TRAPPC9: variants seen among roughly 807,000 people sequenced by gnomAD.
The protein encoded by TRAPPC9 is trafficking protein particle complex subunit 9.
TRAPPC9 carries 83 observed loss-of-function variants against 124.0 expected under a neutral mutation model. The observed-to-expected ratio is 0.67, with a 90% CI of 0.56 to 0.80. The LOEUF (loss-of-function observed/expected upper bound fraction) is 0.80, where lower values mean the gene tolerates loss of function less well. Among genes scored for constraint, TRAPPC9 ranks in the 30% least tolerant of loss-of-function variants. TRAPPC9 has a pLI of 0.00. For synonymous variants in TRAPPC9, 638 were observed against 617.5 expected, an observed-to-expected ratio of 1.03 and a Z score of -0.49; for missense variants, 1,302 against 1,508.3, an observed-to-expected ratio of 0.86 and a Z score of 2.27.
chr8:140,371,797 G>A lies in TRAPPC9; in HGVS notation c.1135-617C>T, dbSNP rs575704086. ...TGGCTCACTGCAACCTCCACCTCCC[G>A]GGTTCAAGAGATTCTCCTGCCTCAT... On this transcript the variant is annotated intron_variant, in intron 7 of 22. Coordinates refer to ENST00000438773, the MANE Select transcript of TRAPPC9 (RefSeq NM_001160372.4). Among the ~76,000 whole-genome samples, 21 of 152,000 alleles carry A rather than the reference G, an allele frequency of 1.4e-4. No individual in the cohort carries two copies. In the South Asian group the frequency reaches 2.7e-3, roughly 20 times the overall value.
At chr8:140,039,947 TGC>T (rs1383433882) in intron 17 of TRAPPC9, 2 of 152,264 alleles carry the variant, frequency 1.3e-5, no homozygotes, top group Non-Finnish European at 1.5e-5. Flanking sequence ...TGACCAGGGC[TGC>T]ACACAGGAGG....
intron 4 of TRAPPC9, among the ~76,000 whole-genome samples, chr8:140,429,385 G>A (rs1422648359): frequency 6.6e-6 from 1 of 152,102 alleles, no homozygotes; most frequent in Non-Finnish European, 1.5e-5. Flanking sequence ...ACTGCACCTG[G>A]CCAACTGCCA....
chr8:139,836,026 T>G (rs572971691), intron 21 of TRAPPC9, among the ~76,000 whole-genome samples: 2 of 151,540 alleles, frequency 1.3e-5, no homozygotes, highest in African/African-American at 2.4e-5. Context: ...TTATTTTTTT[T>G]GAGACAGAGT....
At chr8:140,408,033 T>C (rs763428003) in intron 5 of TRAPPC9, among the ~76,000 whole-genome samples, 1 of 152,206 alleles carries the variant, frequency 6.6e-6, no homozygotes, top group Admixed American at 6.5e-5. Context: ...GAGAGCTTAG[T>C]GGGTCAGACC....
At chr8:140,305,975 G>A (rs1403044069) in intron 10 of TRAPPC9, among the ~76,000 whole-genome samples, 3 of 152,222 alleles carry the variant, frequency 2.0e-5, no homozygotes, top group Non-Finnish European at 4.4e-5. Context: ...AATTTTACAT[G>A]AAGGGGGTTT....
chr8:139,952,901 A>C (rs73369857), intron 19 of TRAPPC9, among the ~76,000 whole-genome samples: 2,631 of 152,346 alleles, frequency 0.017, 78 homozygotes, highest in African/African-American at 0.058. Flanking sequence ...ACAGATGTGG[A>C]AACTGAAGGT....
chr8:139,919,061 G>A (rs1422522283), intron 19 of TRAPPC9, among the ~76,000 whole-genome samples: 4 of 152,180 alleles, frequency 2.6e-5, no homozygotes, highest in Admixed American at 6.5e-5. Context: ...GAGTCAGTAG[G>A]CAGAGCTCAG....
At chr8:139,731,462 A>G (rs1165828309) in intron 22 of TRAPPC9, among the ~76,000 whole-genome samples, 1 of 152,030 alleles carries the variant, frequency 6.6e-6, no homozygotes, top group Non-Finnish European at 1.5e-5. Context: ...TCAGGGGGTC[A>G]GGAGTGTGGG....
intron 17 of TRAPPC9, among the ~76,000 whole-genome samples, chr8:140,132,905 C>T (rs2061232770): frequency 6.6e-6 from 1 of 152,146 alleles, no homozygotes; most frequent in Non-Finnish European, 1.5e-5. Context: ...CAAGGAACTA[C>T]AAGTGGGATG....
chr8:140,105,996 T>A (rs939749894), intron 17 of TRAPPC9, among the ~76,000 whole-genome samples: 1 of 146,786 alleles, frequency 6.8e-6, no homozygotes, highest in Admixed American at 6.8e-5. Flanking sequence ...TCCAAAGAGC[T>A]AAATCACCAA....
intron 17 of TRAPPC9, chr8:140,082,140 C>G (rs1563746460): frequency 6.6e-6 from 1 of 152,218 alleles, no homozygotes; most frequent in Non-Finnish European, 1.5e-5. Flanking sequence ...TCTTCCTTAT[C>G]TGAAATGTGA....
chr8:140,112,644 G>A (rs866375899), intron 17 of TRAPPC9, among the ~76,000 whole-genome samples: 11 of 152,222 alleles, frequency 7.2e-5, no homozygotes, highest in Middle Eastern at 6.8e-3. Context: ...GGTCAGAGCC[G>A]GTGGGTTCGT....
chr8:140,085,451 CT>C (rs991108556), intron 17 of TRAPPC9, among the ~76,000 whole-genome samples: 1 of 152,084 alleles, frequency 6.6e-6, no homozygotes, highest in African/African-American at 2.4e-5. Flanking sequence ...ATAAACCATC[CT>C]TTCTTTTCCA....
Position 140,020,701 on chromosome 8 carries a change from T to C in TRAPPC9, c.2699+3236A>G, listed in dbSNP as rs1459694804. ...AGAATTGTCCAAGTTTTCTATATTGTTACTAATTTTTTTGTCTACTTATTT... is the reference window on the plus strand; with the variant it reads ...AGAATTGTCCAAGTTTTCTATATTGCTACTAATTTTTTTGTCTACTTATTT... On this transcript the variant is annotated intron_variant, in intron 18 of 22. Transcript: ENST00000438773. Among the ~76,000 whole-genome samples the C allele has an allele frequency of 3.9e-5, 6 of 152,244 alleles. 1 individual carries two copies. Among genetic ancestry groups the C allele is most frequent in the Admixed American group, 3.9e-4 (6 of 15,286 alleles).
chr8:140,195,963 C>T (rs2062652261), intron 17 of TRAPPC9, among the ~76,000 whole-genome samples: 1 of 148,846 alleles, frequency 6.7e-6, no homozygotes, highest in Non-Finnish European at 1.5e-5. Context: ...AAAACACACT[C>T]AACTATCCAC....
At chr8:140,283,585 C>T (rs546164104) in intron 14 of TRAPPC9, among the ~76,000 whole-genome samples, 4 of 151,968 alleles carry the variant, frequency 2.6e-5, no homozygotes, top group Admixed American at 6.5e-5. Flanking sequence ...TGTGAGCCAC[C>T]GCGCCAGGCC....
chr8:139,966,121 A>C (rs1239327766), intron 19 of TRAPPC9, among the ~76,000 whole-genome samples: 1 of 152,210 alleles, frequency 6.6e-6, no homozygotes, highest in East Asian at 1.9e-4. Flanking sequence ...CAAGCGAGTC[A>C]CAGTATGAGA....
chr8:140,342,084 G>A (rs948462188), intron 9 of TRAPPC9, among the ~76,000 whole-genome samples: 7 of 152,198 alleles, frequency 4.6e-5, no homozygotes, highest in Admixed American at 2.0e-4. Flanking sequence ...TTCCGGACCA[G>A]AAGTGGCAGA....
intron 19 of TRAPPC9, among the ~76,000 whole-genome samples, chr8:139,944,465 G>C (rs970140830): frequency 6.6e-6 from 1 of 152,166 alleles, no homozygotes; most frequent in African/African-American, 2.4e-5. Flanking sequence ...CACAGGAACC[G>C]ATGTGGTTGC....
Sources: allele counts gnomAD v4.1 joint callset (sites outside exome capture counted in the v4.1 genomes callset), GRCh38; gene constraint gnomAD v4.1.1; transcripts MANE v1.5; gene names NCBI Gene and HGNC (gene_info 2026-07-23, HGNC 2026-07-21).